The following SULT2B1 variants were observed in gnomAD, a reference collection of about 807,000 sequenced individuals.
SULT2B1 encodes the protein sulfotransferase 2B1.
In SULT2B1, 16 loss-of-function variants were observed where a neutral mutation model predicts 33.2. That is an observed-to-expected ratio of 0.48 (90% CI 0.33 to 0.73). SULT2B1 has a LOEUF of 0.73. Among genes scored for constraint, SULT2B1 ranks in the 30% least tolerant of loss-of-function variants. The pLI is 0.02. For synonymous variants in SULT2B1, 186 were observed against 200.5 expected (o/e 0.93, Z 0.61); for missense variants, 500 against 506.0 (o/e 0.99, Z 0.11).
At chr19:48,570,695 G>A (rs1973310506) in intron 1 of SULT2B1, among the ~76,000 whole-genome samples, 2 of 142,514 alleles carry the variant, frequency 1.4e-5, no homozygotes, top group Non-Finnish European at 3.0e-5. Context: ...AGTGACTCTG[G>A]TTTTTGCTGG....
rs1429443197 is a variant in SULT2B1, at chr19:48,569,359, A to T, written c.72-6582A>T. Among the ~76,000 whole-genome samples the T allele has an allele frequency of 1.1e-3, 16 of 15,076 alleles. 1 individual carries two copies. The highest frequency in any genetic ancestry group is 6.5e-3 in the African/African-American group (14 of 2,170). The allele number at this position is 15,076 out of a possible 152,430, so 9.9% of individuals were successfully genotyped here. A position where few individuals can be genotyped will look rare whatever the true frequency, so the allele number is the denominator to read the frequency against. On this transcript the variant is annotated intron_variant, in intron 1 of 6. Coordinates refer to ENST00000201586, the MANE Select transcript of SULT2B1 (RefSeq NM_177973.2). ...TCCGTCTCAAAAAAAAAAAAAAAAA[A>T]AAACATATATATATATATATATATA...
chr19:48,552,408 C>G lies in SULT2B1; in HGVS notation c.71+85C>G. ...GAGCCGGGGACTGTGGCAAGGGTGG[C>G]CTCCAGCCACCCGCAGCCGCAGGCC... On this transcript the variant is annotated intron_variant, in intron 1 of 6. Coordinates refer to ENST00000201586, the MANE Select transcript of SULT2B1 (RefSeq NM_177973.2). This position sits in a 1 kb window ranked among gnomAD's most constrained non-coding sequence, Gnocchi z 4.8. 1 of 1,431,768 alleles carries G rather than the reference C, an allele frequency of 7.0e-7. No individual in the cohort carries two copies. Among genetic ancestry groups the G allele is most frequent in the Non-Finnish European group, 9.6e-7 (1 of 1,046,796 alleles). The allele number at this position is 1,431,768 out of a possible 1,614,324, so 88.7% of individuals were successfully genotyped here.
intron 2 of SULT2B1, among the ~76,000 whole-genome samples, chr19:48,577,028 ATTTTTTTTT>A (rs71179012): frequency 2.0e-3 from 190 of 92,952 alleles, no homozygotes; most frequent in African/African-American, 5.7e-3. Flanking sequence ...ACCCCCCTCT[ATTTTTTTTT>A]TTTTTTTTTT....
chr19:48,594,340 G>C (rs1973682919), intron 5 of SULT2B1, among the ~76,000 whole-genome samples: 1 of 152,190 alleles, frequency 6.6e-6, no homozygotes, highest in South Asian at 2.1e-4. Flanking sequence ...TTATCGACGA[G>C]GAAACTGGAG....
At chr19:48,589,589 A>G (rs566024117) in intron 3 of SULT2B1, among the ~76,000 whole-genome samples, 1 of 152,270 alleles carries the variant, frequency 6.6e-6, no homozygotes, top group East Asian at 1.9e-4. Context: ...AGGCTCAACG[A>G]CTTAGCAAAA....
At chr19:48,569,461 T>C (rs1391182799) in intron 1 of SULT2B1, among the ~76,000 whole-genome samples, 3 of 142,074 alleles carry the variant, frequency 2.1e-5, no homozygotes, top group African/African-American at 7.8e-5. Flanking sequence ...GACATCTATC[T>C]GTAATCCCAG....
rs990159026 is a variant in SULT2B1, at chr19:48,589,032, A to G, written c.423+1595A>G. Among the ~76,000 whole-genome samples the G allele has an allele frequency of 2.0e-5, 3 of 152,174 alleles. No individual in the cohort carries two copies. The South Asian group carries it at 6.2e-4, about 32-fold the overall frequency. On this transcript the variant is annotated intron_variant, in intron 3 of 6. Transcript: ENST00000201586. ...AGCGCGGCAGGGATCGCAGCAGAGGAGGAGCCCGAGCGGGCTTAGGCTTCA... is the reference window on the plus strand; with the variant it reads ...AGCGCGGCAGGGATCGCAGCAGAGGGGGAGCCCGAGCGGGCTTAGGCTTCA...
At chr19:48,598,580 T>G (rs542485257) in intron 6 of SULT2B1, among the ~76,000 whole-genome samples, 50 of 151,884 alleles carry the variant, frequency 3.3e-4, no homozygotes, top group African/African-American at 1.1e-3. Context: ...CGAGACTCCA[T>G]CTCAAAAAGA....
chr19:48,562,658 T>C (rs1973197130), intron 1 of SULT2B1, among the ~76,000 whole-genome samples: 2 of 152,254 alleles, frequency 1.3e-5, no homozygotes, highest in African/African-American at 4.8e-5. Flanking sequence ...TGAGGATATA[T>C]GCAATATTTA....
At chr19:48,592,895 T>TCCTGAGACC in intron 5 of SULT2B1, 79 bp downstream of exon 5, 1 of 1,276,816 alleles carries the variant, frequency 7.8e-7, no homozygotes, top group Non-Finnish European at 1.1e-6. Context: ...TTCCCGAGGG[T>TCCTGAGACC]CTCAGGACCC....
chr19:48,588,376 G>T (rs1166264540), intron 3 of SULT2B1, among the ~76,000 whole-genome samples: 2 of 151,700 alleles, frequency 1.3e-5, no homozygotes, highest in Non-Finnish European at 2.9e-5. Context: ...GCTGGGCGTG[G>T]TGGCACATGC....
intron 1 of SULT2B1, among the ~76,000 whole-genome samples, chr19:48,565,187 A>G (rs1034843652): frequency 2.6e-5 from 4 of 152,000 alleles, no homozygotes; most frequent in African/African-American, 9.7e-5. Context: ...AGGCCTCCCA[A>G]AGAGCTGGGA....
At chr19:48,556,532 C>T (rs1032771045) in intron 1 of SULT2B1, among the ~76,000 whole-genome samples, 2 of 151,858 alleles carry the variant, frequency 1.3e-5, no homozygotes, top group African/African-American at 4.8e-5. Flanking sequence ...GGCCAGCTGC[C>T]GTGGAAACTC....
chr19:48,578,204 C>T (rs887405396), intron 2 of SULT2B1, among the ~76,000 whole-genome samples: 2 of 152,066 alleles, frequency 1.3e-5, no homozygotes, highest in African/African-American at 4.8e-5. Context: ...CAGAGTGAGA[C>T]CCTGTCTCAA....
chr19:48,558,679 CTTTTTTTTTTTT>C (rs869189397), intron 1 of SULT2B1, among the ~76,000 whole-genome samples: 1 of 106,178 alleles, frequency 9.4e-6, no homozygotes, highest in Non-Finnish European at 1.8e-5. Context: ...CTTTTCTTTT[CTTTTTTTTTTTT>C]TTTTTTTTTT....
intron 5 of SULT2B1, 42 bp from the exon 6 acceptor site, chr19:48,596,697 C>G (rs753768862): frequency 6.5e-7 from 1 of 1,532,914 alleles, no homozygotes; most frequent in South Asian, 1.2e-5. Context: ...CCTTCCTTGG[C>G]CGAGTGCCCT....
intron 1 of SULT2B1, among the ~76,000 whole-genome samples, chr19:48,564,508 C>G (rs1973220168): frequency 8.0e-6 from 1 of 125,266 alleles, no homozygotes. Flanking sequence ...GCCGAGATCA[C>G]ACCACTGCAC....
intron 2 of SULT2B1, among the ~76,000 whole-genome samples, chr19:48,585,912 C>T (rs1601106599): frequency 1.3e-5 from 2 of 152,058 alleles, no homozygotes; most frequent in East Asian, 3.9e-4. Flanking sequence ...GGGTTCAATT[C>T]CAGCTTTCTC....
intron 1 of SULT2B1, among the ~76,000 whole-genome samples, chr19:48,553,962 C>T (rs528549677): frequency 6.7e-6 from 1 of 148,296 alleles, no homozygotes; most frequent in East Asian, 1.9e-4. Context: ...CAGCCAGGCA[C>T]CTGGGAGCCT....
Sources: gnomAD v4.1 joint callset for allele counts (sites outside exome capture counted in the v4.1 genomes callset) on GRCh38, gnomAD v4.1.1 for gene constraint, Gnocchi (gnomAD v3.1) non-coding constraint, MANE v1.5 for transcripts, NCBI Gene and HGNC (gene_info 2026-07-23, HGNC 2026-07-21) for gene names.